Variants in CNTNAP2 observed in about 807,000 individuals in gnomAD.
The protein encoded by CNTNAP2 is contactin-associated protein-like 2.
Under a neutral mutation model 155.2 loss-of-function variants are expected in CNTNAP2, and 98 were observed. That is an observed-to-expected ratio of 0.63 (90% CI 0.54 to 0.75). The LOEUF (loss-of-function observed/expected upper bound fraction) is 0.75. CNTNAP2 is among the 30% of genes least tolerant of loss of function. The probability of loss-of-function intolerance (pLI) is 0.00; values close to 1 mark genes in which losing one functional copy is unlikely to be tolerated. For missense variants in CNTNAP2, 1,727 were observed against 1,688.1 expected (o/e 1.02, Z -0.40); for synonymous variants, 651 against 631.2 (o/e 1.03, Z -0.47).
In CNTNAP2 at chr7:146,556,884, GGAA is replaced by G. The variant is rs1316507973; in HGVS notation, c.98-217384_98-217382del. On this transcript the variant is annotated intron_variant, in intron 1 of 23. Coordinates refer to ENST00000361727, the MANE Select transcript of CNTNAP2 (RefSeq NM_014141.6). ...GCTTCCAGTACAGTTAATTCCACAT[GGAA>G]GAGAAATATAGGAGCTTTAGCCCTG... Among the ~76,000 whole-genome samples the G allele has an allele frequency of 2.6e-5, 4 of 151,972 alleles. No homozygotes were observed. The South Asian group carries it at 8.3e-4, about 32-fold the overall frequency.
intron 9 of CNTNAP2, among the ~76,000 whole-genome samples, chr7:147,340,632 TCTTATATGTCCTAAAAACA>T (rs1355964585): frequency 1.3e-5 from 2 of 152,176 alleles, no homozygotes; most frequent in African/African-American, 4.8e-5. Flanking sequence ...CTGAAGTTTA[TCTTATATGTCCTAAAAACA>T]CTTATATGTC....
Position 148,217,446 on chromosome 7 carries a change from A to C in CNTNAP2, c.3169A>C (p.Thr1057Pro). The C allele has an allele frequency of 6.2e-7, 1 of 1,614,130 alleles. No individual in the cohort carries two copies. Among genetic ancestry groups the C allele is most frequent in the Non-Finnish European group, 8.5e-7 (1 of 1,180,014 alleles). Residue 1057 changes from threonine to proline, a missense_variant, in exon 19 of 24, where the codon ACC becomes CCC. Coordinates refer to ENST00000361727, the MANE Select transcript of CNTNAP2 (RefSeq NM_014141.6). ...AQEEIRFSFS[T>P]TKAPCILLYI... ...GGAGGAGATCCGCTTCAGCTTCAGC[A>C]CCACCAAGGCGCCCTGCATTCTCCT... is the stretch of plus-strand genomic sequence containing the variant.
intron 13 of CNTNAP2, among the ~76,000 whole-genome samples, chr7:147,819,773 T>C (rs1032246463): frequency 6.6e-6 from 1 of 152,182 alleles, no homozygotes; most frequent in African/African-American, 2.4e-5. Context: ...TTGTGGAATT[T>C]TATAGAAATA....
At chr7:147,046,995 G>A (rs1799373371) in intron 4 of CNTNAP2, among the ~76,000 whole-genome samples, 1 of 128,200 alleles carries the variant, frequency 7.8e-6, no homozygotes, top group South Asian at 2.6e-4. Context: ...TTGCACCACT[G>A]TACTCCAACC....
At chr7:146,692,350 C>T (rs1481024540) in intron 1 of CNTNAP2, among the ~76,000 whole-genome samples, 3 of 152,024 alleles carry the variant, frequency 2.0e-5, no homozygotes, top group Non-Finnish European at 4.4e-5. Context: ...CAGTAAAGGC[C>T]AACTTTTTAA....
chr7:147,500,591 C>A (rs75082714), intron 11 of CNTNAP2, among the ~76,000 whole-genome samples: 3,530 of 152,146 alleles, frequency 0.023, 85 homozygotes, highest in East Asian at 0.14. Context: ...CAATTTGGGG[C>A]AACTAAACTG....
chr7:146,716,088 T>A (rs577189919), intron 1 of CNTNAP2, among the ~76,000 whole-genome samples: 1 of 151,954 alleles, frequency 6.6e-6, no homozygotes, highest in Non-Finnish European at 1.5e-5. Context: ...AGAACATGGG[T>A]TTTTGGCACA....
At chr7:146,136,079 T>G (rs1443773693) in intron 1 of CNTNAP2, among the ~76,000 whole-genome samples, 2 of 152,188 alleles carry the variant, frequency 1.3e-5, no homozygotes, top group African/African-American at 4.8e-5. Context: ...ACTAAAATTA[T>G]TCATTGTTTA....
intron 15 of CNTNAP2, among the ~76,000 whole-genome samples, chr7:147,985,407 C>CTT (rs34093586): frequency 0.85 from 91,615 of 107,862 alleles, 40,139 homozygotes; most frequent in Admixed American, 0.92. Flanking sequence ...TATGTTTTTA[C>CTT]TTTTTTTTTT....
chr7:146,940,738 C>T (rs1011404874), intron 3 of CNTNAP2, among the ~76,000 whole-genome samples: 1 of 149,758 alleles, frequency 6.7e-6, no homozygotes, highest in Non-Finnish European at 1.5e-5. Flanking sequence ...TATATATATA[C>T]ACACACACTG....
At chr7:146,566,573 T>A (rs531445970) in intron 1 of CNTNAP2, among the ~76,000 whole-genome samples, 1 of 152,128 alleles carries the variant, frequency 6.6e-6, no homozygotes, top group East Asian at 1.9e-4. Context: ...GGCAGGCGCC[T>A]GTAGTCCCAG....
chr7:147,039,080 G>A (rs911980741), intron 3 of CNTNAP2, among the ~76,000 whole-genome samples: 8 of 152,074 alleles, frequency 5.3e-5, no homozygotes, highest in Admixed American at 2.6e-4. Context: ...TTGCATAAAC[G>A]ATATATGTAA....
chr7:147,429,428 ATTAT>A (rs1288878492), intron 10 of CNTNAP2, among the ~76,000 whole-genome samples: 13 of 151,396 alleles, frequency 8.6e-5, no homozygotes, highest in African/African-American at 2.9e-4. Flanking sequence ...TTTTGATGAG[ATTAT>A]TTGTTTTTTT....
At chr7:148,019,620 C>T (rs1204865396) in intron 15 of CNTNAP2, among the ~76,000 whole-genome samples, 1 of 152,010 alleles carries the variant, frequency 6.6e-6, no homozygotes, top group Non-Finnish European at 1.5e-5. Context: ...CCATACCTGG[C>T]TATTTTTTAT....
At chr7:146,125,071 C>T (rs1033513228) in intron 1 of CNTNAP2, among the ~76,000 whole-genome samples, 7 of 152,130 alleles carry the variant, frequency 4.6e-5, no homozygotes, top group East Asian at 1.9e-4. Context: ...TATGTTAAAA[C>T]GAATGCTTAA....
chr7:146,808,408 A>G (rs1166275481), intron 2 of CNTNAP2, among the ~76,000 whole-genome samples: 1 of 152,194 alleles, frequency 6.6e-6, no homozygotes, highest in East Asian at 1.9e-4. Context: ...TATCAGTCTA[A>G]ACTTAAAATG....
chr7:147,350,427 A>T (rs1452071209), intron 9 of CNTNAP2, among the ~76,000 whole-genome samples: 2 of 151,876 alleles, frequency 1.3e-5, no homozygotes, highest in Non-Finnish European at 2.9e-5. Flanking sequence ...ACTTTTATAC[A>T]CTTTATAGTA....
At chr7:147,332,826 C>T (rs984790005) in intron 9 of CNTNAP2, among the ~76,000 whole-genome samples, 8 of 152,208 alleles carry the variant, frequency 5.3e-5, no homozygotes, top group Admixed American at 1.3e-4. Context: ...CATGCCACTG[C>T]GCTCCATCCT....
chr7:147,428,047 G>A (rs1797407954), intron 10 of CNTNAP2, among the ~76,000 whole-genome samples: 1 of 152,092 alleles, frequency 6.6e-6, no homozygotes, highest in South Asian at 2.1e-4. Context: ...GCAAAGAATA[G>A]TACAAATAAA....
Sources: allele counts gnomAD v4.1 joint callset (sites outside exome capture counted in the v4.1 genomes callset), GRCh38; gene constraint gnomAD v4.1.1; transcripts MANE v1.5; gene names NCBI Gene and HGNC (gene_info 2026-07-23, HGNC 2026-07-21).